The following NAV2 variants were observed in gnomAD, a reference collection of about 807,000 sequenced individuals.
NAV2 encodes the protein neuron navigator 2.
A neutral mutation model predicts 223.2 loss-of-function variants in NAV2; 54 were observed. The ratio of observed to expected loss-of-function variants is 0.24; its 90% CI spans 0.19 to 0.30. The LOEUF is 0.30. Ranked by LOEUF, NAV2 falls within the 10% of genes least tolerant of loss-of-function variation. The probability of loss-of-function intolerance (pLI) is 1.00; values close to 1 mark genes in which losing one functional copy is unlikely to be tolerated. For missense variants in NAV2, 2,806 were observed against 3,147.5 expected, an observed-to-expected ratio of 0.89 and a Z score of 2.60; for synonymous variants, 1,279 against 1,239.3, an observed-to-expected ratio of 1.03 and a Z score of -0.67.
chr11:19,789,135 T>C (rs972931687), intron 1 of NAV2, among the ~76,000 whole-genome samples: 4 of 152,172 alleles, frequency 2.6e-5, no homozygotes, highest in Non-Finnish European at 4.4e-5. Context: ...ACCATTTCTC[T>C]AGTTTAAAAT....
At position 19,815,218 on chromosome 11, in the gene NAV2, A is replaced by T. The variant is rs192218511; in HGVS notation, c.268-17266A>T. Among the ~76,000 whole-genome samples the T allele has an allele frequency of 3.9e-4, 59 of 152,230 alleles. No individual in the cohort carries two copies. The East Asian group carries it at 0.011, about 29-fold the overall frequency. On this transcript the variant is annotated intron_variant, in intron 1 of 37. Coordinates refer to ENST00000349880, the MANE Select transcript of NAV2 (RefSeq NM_145117.5). ...CTTTACTGAGTCCTCTGAGTATTTG[A>T]TATCCTCTTGTTCCTTCATCCTCTG...
At chr11:19,364,416 CTTAT>C (rs1375759595) in intron 1 of NAV2, among the ~76,000 whole-genome samples, 1 of 152,174 alleles carries the variant, frequency 6.6e-6, no homozygotes, top group African/African-American at 2.4e-5. Context: ...GGGATGCTTA[CTTAT>C]TTATTTCCCA....
intron 10 of NAV2, among the ~76,000 whole-genome samples, chr11:19,965,186 G>T (rs186555408): frequency 1.3e-5 from 2 of 152,070 alleles, no homozygotes; most frequent in African/African-American, 4.8e-5. Flanking sequence ...CAGGGATTTG[G>T]GGGGGCGGGG....
chr11:19,978,381 T>C (rs1336768404), intron 10 of NAV2, among the ~76,000 whole-genome samples: 1 of 152,224 alleles, frequency 6.6e-6, no homozygotes, highest in Non-Finnish European at 1.5e-5. Context: ...TTGATGACAT[T>C]GCTCAACAAC....
chr11:20,106,861 A>C (rs1196819107), intron 35 of NAV2, among the ~76,000 whole-genome samples: 2 of 151,586 alleles, frequency 1.3e-5, no homozygotes, highest in African/African-American at 2.4e-5. Flanking sequence ...GGCTAGGCTG[A>C]TCTCGAACTC....
intron 11 of NAV2, among the ~76,000 whole-genome samples, chr11:19,988,742 G>A (rs943531458): frequency 6.6e-6 from 1 of 152,150 alleles, no homozygotes; most frequent in Non-Finnish European, 1.5e-5. Context: ...GTGTGAGAAT[G>A]TAACTATGCA....
At chr11:19,436,596 T>G (rs534012390) in intron 1 of NAV2, among the ~76,000 whole-genome samples, 1 of 152,278 alleles carries the variant, frequency 6.6e-6, no homozygotes, top group South Asian at 2.1e-4. Flanking sequence ...TTTAGGATTG[T>G]TTTTCCTATT....
At chr11:19,617,686 A>AAT (rs2046841076) in intron 1 of NAV2, among the ~76,000 whole-genome samples, 1 of 152,210 alleles carries the variant, frequency 6.6e-6, no homozygotes, top group Non-Finnish European at 1.5e-5. Flanking sequence ...CTCCCTGAGG[A>AAT]GACAGTTTTG....
intron 36 of NAV2, among the ~76,000 whole-genome samples, chr11:20,108,179 G>A (rs1235215143): frequency 6.6e-6 from 1 of 152,186 alleles, no homozygotes; most frequent in Non-Finnish European, 1.5e-5. Context: ...ATTAGTCCTG[G>A]AACTTGGACA....
In NAV2 at chr11:19,405,820, C is replaced by G. The variant is rs535537498; in HGVS notation, c.75+54793C>G. ...GGGAACATGATTGTTCTCATTTTCT[C>G]TCTTCTTATTAGGCCTTTGAGTAAA... is the stretch of plus-strand genomic sequence containing the variant. On this transcript the variant is annotated intron_variant, in intron 1 of 37. Transcript: ENST00000360655. 2.0e-4 allele frequency among the ~76,000 whole-genome samples: 31 copies of G among 152,330 alleles called. 1 individual carries two copies. The South Asian group carries it at 6.4e-3, about 32-fold the overall frequency.
chr11:19,762,800 G>C (rs2054869788), intron 1 of NAV2, among the ~76,000 whole-genome samples: 1 of 151,908 alleles, frequency 6.6e-6, no homozygotes, highest in South Asian at 2.1e-4. Context: ...TTTTAGTAGA[G>C]ACGGGGTTTC....
At chr11:19,944,050 A>T (rs1387476961) in intron 8 of NAV2, among the ~76,000 whole-genome samples, 10 of 151,992 alleles carry the variant, frequency 6.6e-5, no homozygotes, top group Admixed American at 6.6e-4. Context: ...ACAAAAAAAA[A>T]TTTAGCCGGG....
In NAV2 at chr11:20,054,115, A is replaced by C; in HGVS notation, c.4517A>C (p.Asp1506Ala). Residue 1506 changes from aspartate to alanine, a missense_variant, in exon 18 of 38, where the codon GAT (aspartate) becomes GCT (alanine). Coordinates refer to ENST00000349880, the MANE Select transcript of NAV2 (RefSeq NM_145117.5). ...ACCTCCCAGCTTCGCACGCAAGAAG[A>C]TGCAAAAGAATGGTTACGGTCCCAT... Reference protein sequence around the residue: ...TPTSQLRTQEDAKEWLRSHSA... With the variant: ...TPTSQLRTQEAAKEWLRSHSA... 1 of 1,612,728 alleles carries C rather than the reference A, an allele frequency of 6.2e-7. No individual in the cohort carries two copies. The highest frequency in any genetic ancestry group is 8.5e-7 in the Non-Finnish European group (1 of 1,179,790).
At chr11:19,474,265 G>T (rs553172909) in intron 1 of NAV2, among the ~76,000 whole-genome samples, 1 of 152,216 alleles carries the variant, frequency 6.6e-6, no homozygotes. Context: ...CAGCCCAGTG[G>T]CATCGTTTGT....
chr11:19,438,895 A>AC, intron 1 of NAV2, among the ~76,000 whole-genome samples: 1 of 149,010 alleles, frequency 6.7e-6, no homozygotes. Flanking sequence ...AAGTTTAGAG[A>AC]TTTTTTTTTT....
chr11:19,938,558 T>G (rs1014094458), intron 7 of NAV2, among the ~76,000 whole-genome samples: 3 of 152,260 alleles, frequency 2.0e-5, no homozygotes, highest in Non-Finnish European at 4.4e-5. Flanking sequence ...GTTGAACTAA[T>G]TTTAAAACTT....
intron 1 of NAV2, among the ~76,000 whole-genome samples, chr11:19,794,718 G>A (rs1455727919): frequency 6.6e-6 from 1 of 152,136 alleles, no homozygotes; most frequent in East Asian, 1.9e-4. Flanking sequence ...CTAAGTGCCA[G>A]TAGCATTTTT....
intron 1 of NAV2, among the ~76,000 whole-genome samples, chr11:19,646,181 A>G (rs1306203302): frequency 6.6e-6 from 1 of 152,252 alleles, no homozygotes; most frequent in Non-Finnish European, 1.5e-5. Context: ...ATCAGCAGAA[A>G]TGCTAATGGC....
chr11:19,482,923 T>C (rs1279165904), intron 1 of NAV2, among the ~76,000 whole-genome samples: 2 of 151,858 alleles, frequency 1.3e-5, no homozygotes, highest in Non-Finnish European at 2.9e-5. Flanking sequence ...TTGTAGGGAG[T>C]TGTTCATAGG....
Sources: gnomAD v4.1 joint callset for allele counts (sites outside exome capture counted in the v4.1 genomes callset) on GRCh38, gnomAD v4.1.1 for gene constraint, MANE v1.5 for transcripts, NCBI Gene and HGNC (gene_info 2026-07-23, HGNC 2026-07-21) for gene names.